IQSEC1: variants seen among roughly 807,000 people sequenced by gnomAD.
IQSEC1 encodes IQ motif and SEC7 domain-containing protein 1.
Under a neutral mutation model 91.0 loss-of-function variants are expected in IQSEC1, and 31 were observed. The observed-to-expected ratio is 0.34, with a 90% confidence interval of 0.26 to 0.46. The LOEUF is 0.46. Ranked by LOEUF, IQSEC1 falls within the 20% of genes least tolerant of loss-of-function variation. The pLI is 1.00. For missense variants in IQSEC1, 1,388 were observed against 1,575.6 expected, an observed-to-expected ratio of 0.88 and a Z score of 2.02; for synonymous variants, 699 against 662.6, an observed-to-expected ratio of 1.05 and a Z score of -0.84.
In IQSEC1 at chr3:12,976,342, G is replaced by A. The variant is rs571084533; in HGVS notation, c.24-34477C>T. On this transcript the variant is annotated intron_variant, in intron 1 of 13. Transcript: ENST00000613206. ...GCCCAGGTGGGGTCACAGTGGGGAAGCGGTCCTTGCCTTTTCCCCACCTCT... is the reference window on the plus strand; with the variant it reads ...GCCCAGGTGGGGTCACAGTGGGGAAACGGTCCTTGCCTTTTCCCCACCTCT... Among the ~76,000 whole-genome samples the A allele has an allele frequency of 3.3e-5, 5 of 152,344 alleles. No homozygotes were observed. The East Asian group carries it at 5.8e-4, about 18-fold the overall frequency.
In IQSEC1 at chr3:13,066,857, A is replaced by G. The variant is rs953780803; in HGVS notation, c.23+6135T>C. Among the ~76,000 whole-genome samples the G allele has an allele frequency of 5.9e-5, 9 of 152,232 alleles. 1 individual carries two copies. Among genetic ancestry groups the G allele is most frequent in the Admixed American group, 4.6e-4 (7 of 15,288 alleles). ...GCCCACAGGCCTGGCGTGTGTCAGG[A>G]CGTGGACTAGATGTCCAGTGACCAT... On this transcript the variant is annotated intron_variant, in intron 1 of 13. Coordinates refer to ENST00000613206, the MANE Select transcript of IQSEC1 (RefSeq NM_001134382.3).
intron 1 of IQSEC1, chr3:13,015,575 C>T: frequency 3.0e-6 from 3 of 985,398 alleles, no homozygotes; most frequent in Non-Finnish European, 3.6e-6. Context: ...GGGTGGTACT[C>T]ACAGTCTCAA....
chr3:13,182,622 A>G (rs1177368815), intron 1 of IQSEC1, among the ~76,000 whole-genome samples: 1 of 152,238 alleles, frequency 6.6e-6, no homozygotes, highest in Non-Finnish European at 1.5e-5. Flanking sequence ...ACCAACCAAG[A>G]CCACATTCTG....
rs900728464 is a variant in IQSEC1, at chr3:13,180,836, A to C, written c.273-16703T>G. 1.8e-4 allele frequency among the ~76,000 whole-genome samples: 28 copies of C among 152,064 alleles called. 1 individual carries two copies. Among genetic ancestry groups the C allele is most frequent in the Admixed American group, 4.6e-4 (7 of 15,266 alleles). On this transcript the variant is annotated intron_variant, in intron 1 of 15. Coordinates refer to the IQSEC1 transcript ENST00000648114. ...CGAGACCACGAACCCACCAGAAGGA[A>C]GAAACTCCGAACACATTCGAACATC...
At chr3:13,091,440 C>A (rs1705859288) in intron 2 of IQSEC1, among the ~76,000 whole-genome samples, 1 of 152,192 alleles carries the variant, frequency 6.6e-6, no homozygotes. Flanking sequence ...GGAATGAGAC[C>A]CAGGACAGTG....
At chr3:13,033,269 C>T (rs556369612) in intron 1 of IQSEC1, among the ~76,000 whole-genome samples, 95 of 152,300 alleles carry the variant, frequency 6.2e-4, no homozygotes, top group African/African-American at 2.1e-3. Flanking sequence ...ACCCACTTCA[C>T]AGATCAAGAC....
chr3:13,065,478 G>A (rs1005944617), intron 1 of IQSEC1, among the ~76,000 whole-genome samples: 1 of 152,200 alleles, frequency 6.6e-6, no homozygotes, highest in Non-Finnish European at 1.5e-5. Context: ...CCTTTTGTAA[G>A]CTAAACTTCA....
intron 1 of IQSEC1, among the ~76,000 whole-genome samples, chr3:13,047,246 G>A (rs1704530480): frequency 6.6e-6 from 1 of 152,150 alleles, no homozygotes; most frequent in Non-Finnish European, 1.5e-5. Flanking sequence ...GCAGAACTTC[G>A]ACTGCAGTCC....
At chr3:13,099,017 C>T (rs995247617) in intron 2 of IQSEC1, among the ~76,000 whole-genome samples, 1 of 152,192 alleles carries the variant, frequency 6.6e-6, no homozygotes, top group Non-Finnish European at 1.5e-5. Flanking sequence ...CCAGAAAAGA[C>T]ATTGGGATAA....
chr3:13,157,630 A>G (rs1044844148), intron 2 of IQSEC1, among the ~76,000 whole-genome samples: 26 of 152,022 alleles, frequency 1.7e-4, no homozygotes, highest in Non-Finnish European at 8.8e-5. Flanking sequence ...AAGAAATCTC[A>G]ATCATAAACC....
chr3:13,169,243 G>A (rs1006607677), intron 1 of IQSEC1, among the ~76,000 whole-genome samples: 3 of 149,108 alleles, frequency 2.0e-5, no homozygotes, highest in Admixed American at 2.0e-4. Context: ...GATTTTATAA[G>A]GGGGAGTTTC....
intron 1 of IQSEC1, among the ~76,000 whole-genome samples, chr3:13,038,272 A>G (rs360828): frequency 0.14 from 12,646 of 92,460 alleles, 715 homozygotes; most frequent in Middle Eastern, 0.23. Flanking sequence ...GTATATATAT[A>G]TATATATATA....
chr3:12,977,493 A>G (rs1251750077), intron 1 of IQSEC1, among the ~76,000 whole-genome samples: 2 of 152,216 alleles, frequency 1.3e-5, no homozygotes, highest in Non-Finnish European at 2.9e-5. Context: ...ATCTAGAAAA[A>G]ATACAGAGAG....
At position 12,924,501 on chromosome 3, in the gene IQSEC1, T is replaced by C; in HGVS notation, c.1730+80A>G. ...CCAGCAAGTAGGGTGGGCCTGGCCC[T>C]GTGTGTGCCCACGGGTAACACAGGG... is the stretch of plus-strand genomic sequence containing the variant. On this transcript the variant is annotated intron_variant, in intron 4 of 13. Transcript: ENST00000613206. This position sits in a 1 kb window ranked among gnomAD's most constrained non-coding sequence, Gnocchi z 6.3. The C allele has an allele frequency of 1.4e-6, 2 of 1,431,180 alleles. No individual in the cohort carries two copies. Among genetic ancestry groups the C allele is most frequent in the Non-Finnish European group, 9.4e-7 (1 of 1,060,058 alleles). The allele number at this position is 1,431,180 out of a possible 1,614,324, so 88.7% of individuals were successfully genotyped here. A position where few individuals can be genotyped will look rare whatever the true frequency, so the allele number is the denominator to read the frequency against.
chr3:12,955,425 G>A (rs569126957), intron 1 of IQSEC1, among the ~76,000 whole-genome samples: 3 of 152,228 alleles, frequency 2.0e-5, no homozygotes, highest in South Asian at 4.1e-4. Flanking sequence ...CTTGGGCCGA[G>A]AGCCAGCTGG....
At chr3:13,169,746 T>C (rs1320443992) in intron 1 of IQSEC1, among the ~76,000 whole-genome samples, 1 of 152,218 alleles carries the variant, frequency 6.6e-6, no homozygotes, top group Non-Finnish European at 1.5e-5. Flanking sequence ...TCTAGAGATT[T>C]GTGGAACTTT....
intron 1 of IQSEC1, among the ~76,000 whole-genome samples, chr3:13,192,550 G>A (rs1694054870): frequency 6.6e-6 from 1 of 152,176 alleles, no homozygotes; most frequent in Non-Finnish European, 1.5e-5. Context: ...GAGGGAAGCA[G>A]GTATAGGCAG....
chr3:13,187,302 A>G (rs1172776795), intron 1 of IQSEC1, among the ~76,000 whole-genome samples: 11 of 152,198 alleles, frequency 7.2e-5, no homozygotes, highest in Admixed American at 7.2e-4. Flanking sequence ...GCCATGATAC[A>G]GATGGAAGCA....
At chr3:13,127,132 G>C (rs1706526709) in intron 2 of IQSEC1, among the ~76,000 whole-genome samples, 1 of 152,136 alleles carries the variant, frequency 6.6e-6, no homozygotes, top group Admixed American at 6.5e-5. Flanking sequence ...AGAGTTCTCG[G>C]CTGGGGGCGG....
Sources: allele counts gnomAD v4.1 joint callset (sites outside exome capture counted in the v4.1 genomes callset), GRCh38; gene constraint gnomAD v4.1.1; non-coding constraint Gnocchi (gnomAD v3.1); transcripts MANE v1.5; gene names NCBI Gene and HGNC (gene_info 2026-07-23, HGNC 2026-07-21).